The following BBS9 variants were observed in gnomAD, a reference collection of about 807,000 sequenced individuals.
BBS9 encodes Bardet-Biedl syndrome 9.
BBS9 carries 89 observed loss-of-function variants against 117.7 expected under a neutral mutation model. That is an observed-to-expected ratio of 0.76 (90% confidence interval 0.64 to 0.90). The LOEUF (loss-of-function observed/expected upper bound fraction) is 0.90. BBS9 is among the 40% of genes least tolerant of loss of function. The pLI is 0.00. For missense variants in BBS9, 982 were observed against 1,042.2 expected, an observed-to-expected ratio of 0.94 and a Z score of 0.80; for synonymous variants, 379 against 370.9, an observed-to-expected ratio of 1.02 and a Z score of -0.25.
At chr7:33,527,760 CT>C (rs993925284) in intron 20 of BBS9, among the ~76,000 whole-genome samples, 30 of 152,326 alleles carry the variant, frequency 2.0e-4, no homozygotes, top group African/African-American at 6.3e-4. Context: ...ATTTGGCCAT[CT>C]TGGCTCCTCC....
chr7:33,495,450 T>G (rs1467600181), intron 19 of BBS9, among the ~76,000 whole-genome samples: 1 of 152,226 alleles, frequency 6.6e-6, no homozygotes, highest in Non-Finnish European at 1.5e-5. Flanking sequence ...ACTTAGAAAC[T>G]ATTCAGATCA....
intron 4 of BBS9, among the ~76,000 whole-genome samples, chr7:33,170,844 C>T (rs1220564547): frequency 6.6e-6 from 1 of 151,928 alleles, no homozygotes; most frequent in Non-Finnish European, 1.5e-5. Flanking sequence ...GAGTGAACTG[C>T]CATTCACAAT....
chr7:33,534,330 C>A (rs955338314), intron 21 of BBS9, 154 bp downstream of exon 21: 3 of 781,004 alleles, frequency 3.8e-6, no homozygotes, highest in East Asian at 2.7e-5. Context: ...CCCAGGGTAA[C>A]CCCTTGAATA....
intron 19 of BBS9, among the ~76,000 whole-genome samples, chr7:33,442,789 T>C (rs1836410284): frequency 1.3e-5 from 2 of 152,156 alleles, no homozygotes; most frequent in Non-Finnish European, 2.9e-5. Flanking sequence ...AGCTTGGTGT[T>C]TATCAGATTT....
At chr7:33,293,902 C>T (rs1804613624) in intron 9 of BBS9, among the ~76,000 whole-genome samples, 1 of 152,056 alleles carries the variant, frequency 6.6e-6, no homozygotes, top group Non-Finnish European at 1.5e-5. Context: ...AAGAGATCTA[C>T]ATAAAGTGTA....
chr7:33,492,827 TG>T (rs1844190041), intron 19 of BBS9, among the ~76,000 whole-genome samples: 1 of 110,020 alleles, frequency 9.1e-6, no homozygotes, highest in South Asian at 3.4e-4. Context: ...TGTGTGTGTG[TG>T]TGTGTGTGTG....
At chr7:33,185,380 T>G (rs1278639634) in intron 5 of BBS9, among the ~76,000 whole-genome samples, 1 of 150,630 alleles carries the variant, frequency 6.6e-6, no homozygotes, top group African/African-American at 2.4e-5. Flanking sequence ...TTTACATAAA[T>G]CTTTATCTAC....
chr7:33,204,661 A>G (rs1786568882), intron 5 of BBS9, among the ~76,000 whole-genome samples: 1 of 152,152 alleles, frequency 6.6e-6, no homozygotes, highest in South Asian at 2.1e-4. Flanking sequence ...ACGAAGTCCA[A>G]TCAGTTACCT....
intron 4 of BBS9, among the ~76,000 whole-genome samples, chr7:33,169,993 G>A (rs938661316): frequency 1.2e-4 from 18 of 152,062 alleles, no homozygotes; most frequent in African/African-American, 4.3e-4. Context: ...TTTGTATAAG[G>A]TGTAATCACA....
intron 20 of BBS9, among the ~76,000 whole-genome samples, chr7:33,529,232 CAG>C (rs1850180802): frequency 5.9e-5 from 9 of 152,206 alleles, no homozygotes; most frequent in Admixed American, 5.9e-4. Context: ...GATGTGGAAA[CAG>C]GGGACTGGGC....
chr7:33,616,596 G>GA lies in BBS9; in HGVS notation c.2522-18573dup, dbSNP rs1024411443. Among the ~76,000 whole-genome samples the GA allele has an allele frequency of 6.8e-5, 10 of 146,886 alleles. No individual in the cohort carries two copies. The East Asian group carries it at 1.0e-3, about 15-fold the overall frequency. On this transcript the variant is annotated intron_variant, in intron 21 of 21. Transcript: ENST00000671952. ...GAAAAAGAGTGAAAGAGAAAAATAG[G>GA]AAAAAAAATGGGGGGTGGGCAAGAA...
rs528588117 is a variant in BBS9 at position 33,405,121 on chromosome 7, GGT to G, written c.2115+16978_2115+16979del. Among the ~76,000 whole-genome samples the G allele has an allele frequency of 3.8e-3, 584 of 152,204 alleles. 1 individual carries two copies. Among genetic ancestry groups the G allele is most frequent in the Middle Eastern group, 6.8e-3 (2 of 294 alleles). The stretch of plus-strand genomic sequence containing the variant: ...AGATAATCATGTGTTTTTTGTCTTT[GGT>G]TCTGTTTGTATGCTGGACTACATTT... On this transcript the variant is annotated intron_variant, in intron 19 of 22. Transcript: ENST00000242067.
intron 5 of BBS9, among the ~76,000 whole-genome samples, chr7:33,221,444 G>T (rs1229531860): frequency 6.6e-6 from 1 of 152,056 alleles, no homozygotes. Context: ...AGTATTTAAA[G>T]ATATTTCAGT....
intron 21 of BBS9, among the ~76,000 whole-genome samples, chr7:33,549,165 A>C (rs1281718739): frequency 7.4e-6 from 1 of 135,642 alleles, no homozygotes; most frequent in African/African-American, 3.1e-5. Context: ...TGAGAAAAAC[A>C]AGCAATGGGG....
intron 21 of BBS9, among the ~76,000 whole-genome samples, chr7:33,561,382 C>T (rs1856062000): frequency 1.3e-5 from 2 of 152,154 alleles, no homozygotes; most frequent in Non-Finnish European, 2.9e-5. Flanking sequence ...TTTCTGAGTC[C>T]TGCTCTGCCA....
chr7:33,284,625 T>G (rs1285856710), intron 9 of BBS9, among the ~76,000 whole-genome samples: 1 of 152,232 alleles, frequency 6.6e-6, no homozygotes, highest in African/African-American at 2.4e-5. Context: ...TTTCTTCAGT[T>G]TTGTTTGATT....
chr7:33,318,171 T>C (rs1252153117), intron 9 of BBS9, among the ~76,000 whole-genome samples: 1 of 152,220 alleles, frequency 6.6e-6, no homozygotes, highest in Non-Finnish European at 1.5e-5. Context: ...TCACCACCTT[T>C]AATGGAGTCT....
At chr7:33,433,244 G>A (rs1450145117) in intron 19 of BBS9, among the ~76,000 whole-genome samples, 1 of 151,860 alleles carries the variant, frequency 6.6e-6, no homozygotes, top group African/African-American at 2.4e-5. Context: ...TTCGTTAATG[G>A]GTATACATAG....
Position 33,505,590 on chromosome 7 carries a change from A to T in BBS9, c.2243A>T (p.Gln748Leu), listed in dbSNP as rs760144500. Reference sequence around the variant, plus strand: ...CTGTGGCAGAAGCTTAGTGCTGACCAGGTTGCTATTCTGGAAGCGGCATTT... The same window carrying T: ...CTGTGGCAGAAGCTTAGTGCTGACCTGGTTGCTATTCTGGAAGCGGCATTT... ...IALWQKLSAD[Q>L]VAILEAAFLP... Residue 748 changes from glutamine to leucine, a missense_variant, in exon 20 of 23, where the codon CAG becomes CTG. Physicochemically the swap from Gln to Leu is moderately radical, Grantham distance 113. Coordinates refer to ENST00000242067, the MANE Select transcript of BBS9 (RefSeq NM_198428.3). The T allele has an allele frequency of 1.5e-5, 25 of 1,613,984 alleles. No homozygotes were observed. In the South Asian group the frequency reaches 2.7e-4, roughly 18 times the overall value.
Sources: gnomAD v4.1 joint callset for allele counts (sites outside exome capture counted in the v4.1 genomes callset) on GRCh38, gnomAD v4.1.1 for gene constraint, MANE v1.5 for transcripts, NCBI Gene and HGNC (gene_info 2026-07-23, HGNC 2026-07-21) for gene names.